The following TRAPPC12 variants were observed in gnomAD, a reference collection of about 807,000 sequenced individuals.
The protein encoded by TRAPPC12 is TPR repeat protein 15.
TRAPPC12 carries 61 observed loss-of-function variants against 69.2 expected under a neutral mutation model. The observed-to-expected ratio is 0.88, with a 90% CI of 0.72 to 1.09. The LOEUF is 1.09. Ranked by LOEUF, TRAPPC12 falls within the 50% of genes least tolerant of loss-of-function variation. TRAPPC12 has a pLI of 0.00. For missense variants in TRAPPC12, 1,101 were observed against 1,016.4 expected (o/e 1.08, Z -1.13); for synonymous variants, 469 against 438.9 (o/e 1.07, Z -0.86).
At chr2:3,447,556 A>G (rs1664580910) in intron 6 of TRAPPC12, among the ~76,000 whole-genome samples, 1 of 152,142 alleles carries the variant, frequency 6.6e-6, no homozygotes, top group Non-Finnish European at 1.5e-5. Flanking sequence ...TCATTGCCAT[A>G]GGGACGGTAC....
At chr2:3,405,885 A>T (rs1661702264) in intron 3 of TRAPPC12, among the ~76,000 whole-genome samples, 1 of 152,306 alleles carries the variant, frequency 6.6e-6, no homozygotes, top group East Asian at 1.9e-4. Flanking sequence ...AACCCATGGC[A>T]GTGAAGTTTC....
At chr2:3,406,483 T>C (rs564401922) in intron 3 of TRAPPC12, among the ~76,000 whole-genome samples, 1 of 152,392 alleles carries the variant, frequency 6.6e-6, no homozygotes, top group South Asian at 2.1e-4. Context: ...CGAATGCTTC[T>C]TTGAGTTTCT....
intron 9 of TRAPPC12, among the ~76,000 whole-genome samples, chr2:3,476,033 G>A (rs939904328): frequency 6.6e-5 from 10 of 152,180 alleles, no homozygotes; most frequent in East Asian, 1.9e-4. Flanking sequence ...TGCTGCCTTC[G>A]GTTTCTTTTT....
rs78216510 is a variant in TRAPPC12 at position 3,380,571 on chromosome 2, A to C, written c.-5+695A>C. Among the ~76,000 whole-genome samples, 822 of 152,268 alleles carry C rather than the reference A, an allele frequency of 5.4e-3. 20 individuals carry two copies. The highest frequency in any genetic ancestry group is 0.029 in the East Asian group (148 of 5,178). ...TGTACTTTTTAATGGCTACTTGAAGATATGGTGTCTTTGGATTCAGTCACT... is the reference window on the plus strand; with the variant it reads ...TGTACTTTTTAATGGCTACTTGAAGCTATGGTGTCTTTGGATTCAGTCACT... On this transcript the variant is annotated intron_variant, in intron 1 of 11. Coordinates refer to ENST00000324266, the MANE Select transcript of TRAPPC12 (RefSeq NM_016030.6).
intron 6 of TRAPPC12, chr2:3,457,260 G>C (rs1246078735): frequency 2.3e-6 from 1 of 437,166 alleles, no homozygotes; most frequent in Non-Finnish European, 4.5e-6. Flanking sequence ...GGATTCACAT[G>C]GACAAAAAAT....
At chr2:3,404,897 C>T (rs1226405927) in intron 3 of TRAPPC12, among the ~76,000 whole-genome samples, 3 of 149,582 alleles carry the variant, frequency 2.0e-5, no homozygotes, top group Non-Finnish European at 4.4e-5. Context: ...GGGGAGGGGG[C>T]GCAAAGAGTG....
chr2:3,427,970 T>C lies in TRAPPC12; in HGVS notation c.1417+3307T>C, dbSNP rs932445672. On this transcript the variant is annotated intron_variant, in intron 5 of 11. Coordinates refer to ENST00000324266, the MANE Select transcript of TRAPPC12 (RefSeq NM_016030.6). Reference sequence around the variant, plus strand: ...CATTCAGGAATGCCCAACATCGCCTTGTGTATCCTATTTTACAGTGTGCTG... The same window carrying C: ...CATTCAGGAATGCCCAACATCGCCTCGTGTATCCTATTTTACAGTGTGCTG... Among the ~76,000 whole-genome samples the C allele has an allele frequency of 2.6e-5, 4 of 152,194 alleles. No homozygotes were observed. In the East Asian group the frequency reaches 7.7e-4, roughly 29 times the overall value.
rs147619272 is a variant in TRAPPC12 at position 3,398,813 on chromosome 2, C to A, written c.1048-2964C>A. 2.2e-4 allele frequency among the ~76,000 whole-genome samples: 34 copies of A among 152,364 alleles called. No homozygotes were observed. In the East Asian group the frequency reaches 6.6e-3, roughly 29 times the overall value. On this transcript the variant is annotated intron_variant, in intron 2 of 11. Transcript: ENST00000324266. ...GATGAGTCCCAGATTGTGATATATT[C>A]ATGTGTTTCCTTCGTGTTCCCTGAA...
intron 3 of TRAPPC12, among the ~76,000 whole-genome samples, chr2:3,402,399 G>A (rs908163348): frequency 6.6e-6 from 1 of 152,136 alleles, no homozygotes; most frequent in Non-Finnish European, 1.5e-5. Flanking sequence ...AGACCAGCCT[G>A]GCCAACATGG....
Position 3,387,623 on chromosome 2 carries a change from C to A in TRAPPC12, c.-1C>A, listed in dbSNP as rs538999784. On this transcript the variant is annotated 5_prime_UTR_variant, in exon 2 of 12. Transcript: ENST00000324266. The stretch of plus-strand genomic sequence containing the variant: ...TTCTCTCTGTCTTTGCTTTCAGGGT[C>A]ATGGAGGACGCTGGCGGCGGCGAGG... The A allele has an allele frequency of 6.5e-6, 10 of 1,538,460 alleles. No individual in the cohort carries two copies. The African/African-American group carries it at 1.2e-4, about 19-fold the overall frequency.
chr2:3,408,707 A>G (rs1363718771), intron 3 of TRAPPC12, among the ~76,000 whole-genome samples: 2 of 152,214 alleles, frequency 1.3e-5, no homozygotes, highest in African/African-American at 4.8e-5. Context: ...CCCACTTTCA[A>G]TTATATACTT....
intron 9 of TRAPPC12, among the ~76,000 whole-genome samples, chr2:3,471,364 G>A (rs1412109559): frequency 6.6e-6 from 1 of 152,116 alleles, no homozygotes; most frequent in East Asian, 1.9e-4. Context: ...CTCCCCCCTC[G>A]GCCTCGTCCC....
At chr2:3,389,685 T>C (rs942158044) in intron 2 of TRAPPC12, 7 of 471,054 alleles carry the variant, frequency 1.5e-5, no homozygotes, top group Admixed American at 1.2e-4. Flanking sequence ...GATGGAGGGT[T>C]ACAGTGTTAT....
chr2:3,453,017 G>T (rs1270362054), intron 6 of TRAPPC12, among the ~76,000 whole-genome samples: 1 of 152,212 alleles, frequency 6.6e-6, no homozygotes, highest in Non-Finnish European at 1.5e-5. Flanking sequence ...TACACTGAAG[G>T]TACGCTGAAG....
Position 3,387,711 on chromosome 2 carries a change from C to G in TRAPPC12, c.88C>G (p.Leu30Val). Residue 30 changes from leucine to valine, a missense_variant, in exon 2 of 12, where the codon CTC (leucine) becomes GTC (valine). Physicochemically the swap from Leu to Val is conservative, Grantham distance 32 (BLOSUM62 1). Transcript: ENST00000324266. The part of the protein sequence containing the change: ...QLAPPEEQGL[L>V]FQEETIDLGG... ...CGCGCCTCCGGAGGAGCAGGGGTTG[C>G]TCTTCCAGGAGGAAACCATCGATCT... 1.9e-6 allele frequency: 3 copies of G among 1,594,670 alleles called. No homozygotes were observed. Among genetic ancestry groups the G allele is most frequent in the Non-Finnish European group, 2.6e-6 (3 of 1,170,862 alleles).
At chr2:3,424,096 C>T (rs1185060081) in intron 4 of TRAPPC12, among the ~76,000 whole-genome samples, 2 of 152,214 alleles carry the variant, frequency 1.3e-5, no homozygotes, top group Non-Finnish European at 2.9e-5. Context: ...TGGCGCATTC[C>T]TTTGGTGCCT....
chr2:3,473,623 AT>A (rs1381631182), intron 9 of TRAPPC12, among the ~76,000 whole-genome samples: 2 of 152,074 alleles, frequency 1.3e-5, no homozygotes, highest in Non-Finnish European at 2.9e-5. Flanking sequence ...GGGAACAGGA[AT>A]GCACCACCAT....
chr2:3,442,444 G>A (rs558703785), intron 5 of TRAPPC12, among the ~76,000 whole-genome samples: 1 of 152,236 alleles, frequency 6.6e-6, no homozygotes, highest in Admixed American at 6.5e-5. Flanking sequence ...TTAATTGTAG[G>A]CCAGTCCCCT....
chr2:3,470,392 G>T (rs1273892854), intron 9 of TRAPPC12, among the ~76,000 whole-genome samples: 1 of 152,262 alleles, frequency 6.6e-6, no homozygotes, highest in South Asian at 2.1e-4. Flanking sequence ...TCGCAGCCCC[G>T]GCAAACGATG....
Sources: gnomAD v4.1 joint callset for allele counts (sites outside exome capture counted in the v4.1 genomes callset) on GRCh38, gnomAD v4.1.1 for gene constraint, MANE v1.5 for transcripts, NCBI Gene and HGNC (gene_info 2026-07-23, HGNC 2026-07-21) for gene names.